Variants in CHD2 observed in about 807,000 individuals in gnomAD.
CHD2 encodes the protein ATP-dependent chromatin remodeler CHD2.
A neutral mutation model predicts 243.9 loss-of-function variants in CHD2; 28 were observed. That is an observed-to-expected ratio of 0.11 (90% confidence interval 0.09 to 0.16). CHD2 has a LOEUF of 0.16. CHD2 is among the 10% of genes least tolerant of loss of function. The pLI, the probability that CHD2 is intolerant of heterozygous loss-of-function variation, is 1.00. For synonymous variants in CHD2, 775 were observed against 779.0 expected, an observed-to-expected ratio of 0.99 and a Z score of 0.09; for missense variants, 1,386 against 2,209.8, an observed-to-expected ratio of 0.63 and a Z score of 7.47.
At chr15:92,985,961 A>G (rs1285228533) in intron 26 of CHD2, among the ~76,000 whole-genome samples, 1 of 152,214 alleles carries the variant, frequency 6.6e-6, no homozygotes, top group Non-Finnish European at 1.5e-5. Flanking sequence ...TAATTGACAT[A>G]CATGTATATA....
At chr15:92,923,968 T>C (rs998826619) in intron 2 of CHD2, among the ~76,000 whole-genome samples, 1 of 152,176 alleles carries the variant, frequency 6.6e-6, no homozygotes, top group Non-Finnish European at 1.5e-5. Flanking sequence ...GTTTCAAATC[T>C]TACTGTGTTA....
At chr15:92,932,046 TAG>T (rs1372548668) in intron 5 of CHD2, among the ~76,000 whole-genome samples, 1 of 152,120 alleles carries the variant, frequency 6.6e-6, no homozygotes, top group Non-Finnish European at 1.5e-5. Flanking sequence ...CTATTTTTAA[TAG>T]AGACGGGGTT....
intron 2 of CHD2, chr15:92,902,926 G>A (rs2052550780): frequency 6.6e-6 from 1 of 152,132 alleles, no homozygotes; most frequent in African/African-American, 2.4e-5. Context: ...TATTCTTTCA[G>A]TATTTTTACT....
chr15:92,995,651 C>T (rs1461200638), intron 28 of CHD2, among the ~76,000 whole-genome samples: 1 of 151,922 alleles, frequency 6.6e-6, no homozygotes, highest in African/African-American at 2.4e-5. Context: ...CACACTTCCC[C>T]CCTAGTATTT....
intron 2 of CHD2, among the ~76,000 whole-genome samples, chr15:92,908,844 C>T (rs1596366275): frequency 6.6e-6 from 1 of 152,092 alleles, no homozygotes; most frequent in African/African-American, 2.4e-5. Flanking sequence ...ACAGGCTGGG[C>T]GTGGTAGCTC....
intron 13 of CHD2, among the ~76,000 whole-genome samples, chr15:92,950,669 C>T (rs1421923595): frequency 6.6e-6 from 1 of 151,742 alleles, no homozygotes; most frequent in Non-Finnish European, 1.5e-5. Flanking sequence ...GGGAGGATCG[C>T]TTGAGTCCAG....
intron 3 of CHD2, among the ~76,000 whole-genome samples, chr15:92,925,929 TAA>T (rs1278405005): frequency 6.6e-6 from 1 of 152,198 alleles, no homozygotes; most frequent in Non-Finnish European, 1.5e-5. Context: ...TTGTTGTTGT[TAA>T]AGTCATTGTT....
At chr15:93,021,814 T>A (rs1335828881) in intron 38 of CHD2, 1 of 152,238 alleles carries the variant, frequency 6.6e-6, no homozygotes, top group Non-Finnish European at 1.5e-5. Flanking sequence ...TGGGTCAGTT[T>A]CAGTTGATAC....
chr15:92,900,898 G>A (rs1395002173), intron 1 of CHD2, 74 bp downstream of exon 1: 1 of 406,262 alleles, frequency 2.5e-6, no homozygotes, highest in Non-Finnish European at 4.3e-6. Context: ...GTAAATACGA[G>A]AAATTCTTGG....
In CHD2 at chr15:92,997,734, G is replaced by A. The variant is rs1293439749; in HGVS notation, c.3885+331G>A. ...CCTTGGCCTTAGTTATTGGCCCTTT[G>A]TTTAAAAGTACATTTGAAACAACCA... On this transcript the variant is annotated intron_variant, in intron 30 of 38. Transcript: ENST00000394196. The surrounding 1 kb of genome is among the most constrained non-coding windows in gnomAD (Gnocchi z 4.1). 1 of 180,274 alleles carries A rather than the reference G, an allele frequency of 5.5e-6. No homozygotes were observed. The highest frequency in any genetic ancestry group is 1.2e-5 in the Non-Finnish European group (1 of 86,704). The allele number at this position is 180,274 out of a possible 1,614,324, so 11.2% of individuals were successfully genotyped here. A position where few individuals can be genotyped will look rare whatever the true frequency, so the allele number is the denominator to read the frequency against.
intron 2 of CHD2, among the ~76,000 whole-genome samples, chr15:92,911,497 G>A (rs1407663299): frequency 2.0e-5 from 3 of 152,146 alleles, no homozygotes; most frequent in South Asian, 2.1e-4. Context: ...CAGCACTTTC[G>A]GAGGCTGAGG....
At chr15:92,930,574 A>G (rs1477330738) in intron 5 of CHD2, among the ~76,000 whole-genome samples, 2 of 152,040 alleles carry the variant, frequency 1.3e-5, no homozygotes, top group Non-Finnish European at 2.9e-5. Context: ...GACTACAGGC[A>G]TGTGCTATCA....
chr15:92,911,623 G>T (rs943754275), intron 2 of CHD2, among the ~76,000 whole-genome samples: 1 of 151,896 alleles, frequency 6.6e-6, no homozygotes. Flanking sequence ...CTGTAATACC[G>T]GCTATTAGGG....
chr15:92,945,781 T>C, intron 10 of CHD2, 40 bp from the exon 11 acceptor site: 1 of 1,329,968 alleles, frequency 7.5e-7, no homozygotes, highest in Non-Finnish European at 1.0e-6. Context: ...CATTCTTCAT[T>C]GTGTTTATAA....
intron 6 of CHD2, among the ~76,000 whole-genome samples, chr15:92,939,147 ATACTT>A (rs1405784061): frequency 2.0e-5 from 3 of 152,152 alleles, no homozygotes; most frequent in Non-Finnish European, 4.4e-5. Context: ...GCTATAGTGA[ATACTT>A]TATTATGCCT....
chr15:93,010,404 CT>C (rs2054376034), intron 35 of CHD2, among the ~76,000 whole-genome samples: 1 of 138,014 alleles, frequency 7.2e-6, no homozygotes, highest in Non-Finnish European at 1.5e-5. Context: ...GAAAACATGA[CT>C]GGAAATTTTT....
intron 38 of CHD2, chr15:93,021,090 A>T (rs1322613046): frequency 6.6e-6 from 1 of 152,162 alleles, no homozygotes; most frequent in Non-Finnish European, 1.5e-5. Flanking sequence ...TGCCTGAAGG[A>T]CTTTTTCTGC....
chr15:92,955,235 GT>G (rs2053604239), intron 14 of CHD2, among the ~76,000 whole-genome samples, 187 bp from the exon 15 acceptor site: 1 of 152,092 alleles, frequency 6.6e-6, no homozygotes, highest in Non-Finnish European at 1.5e-5. Flanking sequence ...GGTGGTCAGT[GT>G]TTTAATTCTA....
At chr15:92,948,930 G>A (rs1199448616) in intron 12 of CHD2, 22 bp from the exon 13 acceptor site, 1 of 1,607,832 alleles carries the variant, frequency 6.2e-7, no homozygotes, top group East Asian at 2.2e-5. Context: ...CATTTTCTCA[G>A]ACTTGGGCTT....
Sources: allele counts gnomAD v4.1 joint callset (sites outside exome capture counted in the v4.1 genomes callset), GRCh38; gene constraint gnomAD v4.1.1; non-coding constraint Gnocchi (gnomAD v3.1); transcripts MANE v1.5; gene names NCBI Gene and HGNC (gene_info 2026-07-23, HGNC 2026-07-21).